TRAK1: variants seen among roughly 807,000 people sequenced by gnomAD.
TRAK1 encodes the protein trafficking kinesin-binding protein 1.
In TRAK1, 33 loss-of-function variants were observed where a neutral mutation model predicts 92.1. That is an observed-to-expected ratio of 0.36 (90% confidence interval 0.27 to 0.48). The LOEUF (loss-of-function observed/expected upper bound fraction) is 0.48. Ranked by LOEUF, TRAK1 falls within the 20% of genes least tolerant of loss-of-function variation. The probability of loss-of-function intolerance (pLI) is 0.99; values close to 1 mark genes in which losing one functional copy is unlikely to be tolerated. For synonymous variants in TRAK1, 521 were observed against 517.3 expected, an observed-to-expected ratio of 1.01 and a Z score of -0.10; for missense variants, 1,123 against 1,257.9, an observed-to-expected ratio of 0.89 and a Z score of 1.62.
At chr3:42,176,969 CA>C (rs1703314126) in intron 3 of TRAK1, 79 bp downstream of exon 3, 2 of 1,310,886 alleles carry the variant, frequency 1.5e-6, no homozygotes, top group Non-Finnish European at 2.2e-6. Flanking sequence ...CATGCCTTAT[CA>C]CCTGTTTCAG....
chr3:42,149,586 A>G (rs1303713858), intron 2 of TRAK1: 1 of 1,535,972 alleles, frequency 6.5e-7, no homozygotes, highest in Non-Finnish European at 8.7e-7. Flanking sequence ...GGTATTATGA[A>G]GAATGCTCGG....
chr3:42,062,820 G>T (rs1703506033), intron 1 of TRAK1, among the ~76,000 whole-genome samples: 1 of 152,172 alleles, frequency 6.6e-6, no homozygotes, highest in Non-Finnish European at 1.5e-5. Flanking sequence ...CTGCCTGGTG[G>T]GACTTCCCTA....
At chr3:42,148,542 T>A (rs13092350) in intron 2 of TRAK1, among the ~76,000 whole-genome samples, 22,355 of 152,220 alleles carry the variant, frequency 0.15, 1,915 homozygotes, top group Non-Finnish European at 0.2. Context: ...ATTTCCTCAC[T>A]CCTTCCCCAG....
chr3:42,101,424 C>T (rs1371637672), intron 1 of TRAK1, among the ~76,000 whole-genome samples: 2 of 152,210 alleles, frequency 1.3e-5, no homozygotes, highest in Non-Finnish European at 2.9e-5. Context: ...AGGAGTGGCA[C>T]TGAATGGCCG....
intron 1 of TRAK1, among the ~76,000 whole-genome samples, chr3:42,016,042 CA>C: frequency 6.6e-6 from 1 of 151,820 alleles, no homozygotes; most frequent in East Asian, 1.9e-4. Flanking sequence ...ATCTCAAAAA[CA>C]AAAACAAAAA....
intron 2 of TRAK1, among the ~76,000 whole-genome samples, chr3:42,136,520 A>C (rs1325260886): frequency 6.6e-6 from 1 of 152,002 alleles, no homozygotes; most frequent in Non-Finnish European, 1.5e-5. Flanking sequence ...GCTACTCAGG[A>C]GGCTAAGGTG....
At chr3:42,188,966 G>C (rs1367523826) in intron 5 of TRAK1, 50 bp from the exon 6 acceptor site, 1 of 1,354,618 alleles carries the variant, frequency 7.4e-7, no homozygotes, top group Admixed American at 1.7e-5. Context: ...TTTGCCAGGT[G>C]GTGGGAGGAA....
chr3:42,178,652 C>T (rs1391019799), intron 3 of TRAK1, among the ~76,000 whole-genome samples: 1 of 151,882 alleles, frequency 6.6e-6, no homozygotes, highest in Non-Finnish European at 1.5e-5. Context: ...CTTATATTGC[C>T]CAGGCTGATA....
intron 1 of TRAK1, among the ~76,000 whole-genome samples, chr3:42,074,908 A>G (rs1403736205): frequency 2.6e-5 from 4 of 152,036 alleles, no homozygotes; most frequent in African/African-American, 7.2e-5. Context: ...CTTTGCGTCC[A>G]TGTGTATTCA....
intron 2 of TRAK1, among the ~76,000 whole-genome samples, chr3:42,135,056 G>C (rs185084265): frequency 6.6e-6 from 1 of 152,278 alleles, no homozygotes; most frequent in East Asian, 1.9e-4. Flanking sequence ...TGGGGGCCAT[G>C]GCAAGTGCAG....
At chr3:42,047,488 C>T (rs937744169) in intron 1 of TRAK1, among the ~76,000 whole-genome samples, 2 of 151,998 alleles carry the variant, frequency 1.3e-5, no homozygotes, top group Non-Finnish European at 2.9e-5. Flanking sequence ...CAGGCGTAAG[C>T]CACCACATCT....
At chr3:42,021,796 G>A (rs761654579) in intron 1 of TRAK1, among the ~76,000 whole-genome samples, 3 of 152,096 alleles carry the variant, frequency 2.0e-5, no homozygotes, top group Middle Eastern at 3.4e-3. Flanking sequence ...GACTGGTCTC[G>A]AACTCCTGGT....
intron 2 of TRAK1, among the ~76,000 whole-genome samples, chr3:42,172,621 A>T (rs1468120388): frequency 6.6e-6 from 1 of 151,992 alleles, no homozygotes; most frequent in Non-Finnish European, 1.5e-5. Flanking sequence ...ACCCTTCTTA[A>T]AGCTACTTGT....
chr3:42,061,869 T>C (rs1452747211), intron 1 of TRAK1, among the ~76,000 whole-genome samples: 1 of 152,232 alleles, frequency 6.6e-6, no homozygotes, highest in Admixed American at 6.5e-5. Flanking sequence ...CAGGTTATTT[T>C]GGAAACGGAT....
intron 1 of TRAK1, among the ~76,000 whole-genome samples, chr3:42,039,634 G>A (rs935542025): frequency 6.6e-6 from 1 of 152,226 alleles, no homozygotes; most frequent in East Asian, 1.9e-4. Context: ...AAAGTGTTGG[G>A]ATTACAGGCG....
At chr3:42,146,957 G>C (rs1326012925) in intron 2 of TRAK1, among the ~76,000 whole-genome samples, 1 of 152,142 alleles carries the variant, frequency 6.6e-6, no homozygotes, top group Non-Finnish European at 1.5e-5. Flanking sequence ...GGAGTTTGTT[G>C]TTAACTATTT....
At chr3:42,036,287 T>C (rs568304044) in intron 1 of TRAK1, among the ~76,000 whole-genome samples, 1 of 152,350 alleles carries the variant, frequency 6.6e-6, no homozygotes, top group East Asian at 1.9e-4. Flanking sequence ...TTTTCTGCTA[T>C]ATTCTCAGCA....
At chr3:42,072,017 T>G (rs893515366) in intron 1 of TRAK1, among the ~76,000 whole-genome samples, 6 of 152,218 alleles carry the variant, frequency 3.9e-5, no homozygotes, top group Non-Finnish European at 5.9e-5. Flanking sequence ...GATTTTCTGA[T>G]TGGACGTTAC....
chr3:42,223,759 C>A lies in TRAK1; in HGVS notation c.*22C>A. On this transcript the variant is annotated 3_prime_UTR_variant, in exon 16 of 16. Coordinates refer to ENST00000327628, the MANE Select transcript of TRAK1 (RefSeq NM_001042646.3). The surrounding 1 kb of genome is among the most constrained non-coding windows in gnomAD (Gnocchi z 6.1). ...GTGAGGACTGGAGGGGGGCCGGTTG[C>A]CCTAGAGGAGACCCACGTTCTCCTC... The A allele has an allele frequency of 6.3e-7, 1 of 1,577,784 alleles. No homozygotes were observed. The highest frequency in any genetic ancestry group is 8.6e-7 in the Non-Finnish European group (1 of 1,157,692).
Sources: gnomAD v4.1 joint callset for allele counts (sites outside exome capture counted in the v4.1 genomes callset) on GRCh38, gnomAD v4.1.1 for gene constraint, Gnocchi (gnomAD v3.1) non-coding constraint, MANE v1.5 for transcripts, NCBI Gene and HGNC (gene_info 2026-07-23, HGNC 2026-07-21) for gene names.